The following ABCA7 variants were observed in gnomAD, a reference collection of about 807,000 sequenced individuals.
ABCA7 encodes the protein ATP binding cassette subfamily A member 7.
A neutral mutation model predicts 227.6 loss-of-function variants in ABCA7; 261 were observed. The observed-to-expected ratio is 1.15, with a 90% CI of 1.04 to 1.27. The LOEUF (loss-of-function observed/expected upper bound fraction) is 1.27. Ranked by LOEUF, ABCA7 falls within the 50% of genes most tolerant of loss-of-function variation. The pLI, the probability that ABCA7 is intolerant of heterozygous loss-of-function variation, is 0.00. For missense variants in ABCA7, 3,331 were observed against 2,924.5 expected (o/e 1.14, Z -3.21); for synonymous variants, 1,488 against 1,279.7 (o/e 1.16, Z -3.47).
At chr19:1,046,748 G>A in intron 13 of ABCA7, 54 bp from the exon 14 acceptor site, 2 of 1,481,738 alleles carry the variant, frequency 1.3e-6, no homozygotes, top group Non-Finnish European at 1.8e-6. Flanking sequence ...ATGGTGGGCG[G>A]AGGGGGGGTC....
intron 12 of ABCA7, chr19:1,045,752 G>A (rs191986608): frequency 0.03 from 4,854 of 162,706 alleles, 269 homozygotes; most frequent in African/African-American, 0.11. Context: ...TGTAATCCCA[G>A]CACTTTGGGA....
chr19:1,049,254 C>A lies in ABCA7; in HGVS notation c.2381-12C>A, dbSNP rs758030228. 6.3e-7 allele frequency: 1 copy of A among 1,587,070 alleles called. No individual in the cohort carries two copies. On this transcript the variant is annotated splice_polypyrimidine_tract_variant and intron_variant, in intron 17 of 46. Transcript: ENST00000263094. Reference sequence around the variant, plus strand: ...CATGACCTCCATGGCTGAGTCCACCCCATCTCTGCAGTGCTGGTAGAAGAG... The same window carrying A: ...CATGACCTCCATGGCTGAGTCCACCACATCTCTGCAGTGCTGGTAGAAGAG...
At position 1,046,929 on chromosome 19, in the gene ABCA7, A is replaced by G. The variant is rs1285519849; in HGVS notation, c.1750A>G (p.Met584Val). 8 of 1,562,044 alleles carry G rather than the reference A, an allele frequency of 5.1e-6. No homozygotes were observed. In the East Asian group the frequency reaches 9.3e-5, roughly 18 times the overall value. ...ETRLRDTMRAMGLSRAVLWLG... is the reference protein window; with the variant it reads ...ETRLRDTMRAVGLSRAVLWLG... ...GCGGCTGCGGGACACCATGCGCGCCATGGGGCTCAGCCGCGCGGTGCTCTG... is the reference window on the plus strand; with the variant it reads ...GCGGCTGCGGGACACCATGCGCGCCGTGGGGCTCAGCCGCGCGGTGCTCTG... The change falls in exon 14 of 47, where the codon ATG becomes GTG. Residue 584 changes from methionine (M) to valine (V), a missense_variant. Transcript: ENST00000263094.
rs989617906 is a variant in ABCA7 at position 1,065,315 on chromosome 19, G to A, written c.6331G>A (p.Glu2111Lys). Reference protein sequence around the residue: ...SKDQGKDEDTEEQKEAGVGVD... With the variant: ...SKDQGKDEDTKEQKEAGVGVD... ...GGACCAGGGGAAGGACGAGGACACC[G>A]AAGAGCAGAAGGAGGCAGGAGTGGG... Residue 2111 changes from glutamate to lysine, a missense_variant, in exon 47 of 47, where the codon GAA (glutamate) becomes AAA (lysine). Glu to Lys is a moderately conservative substitution (Grantham distance 56, BLOSUM62 1). Coordinates refer to ENST00000263094, the MANE Select transcript of ABCA7 (RefSeq NM_019112.4). The A allele has an allele frequency of 8.7e-6, 14 of 1,613,484 alleles. No individual in the cohort carries two copies. The highest frequency in any genetic ancestry group is 1.7e-5 in the Admixed American group (1 of 60,006).
At chr19:1,061,531 C>G (rs1354351181) in intron 40 of ABCA7, among the ~76,000 whole-genome samples, 1 of 130,058 alleles carries the variant, frequency 7.7e-6, no homozygotes. Flanking sequence ...CCCATCTCTA[C>G]TAAAAAAAAA....
chr19:1,042,889 G>A, intron 7 of ABCA7, 63 bp downstream of exon 7: 1 of 1,524,980 alleles, frequency 6.6e-7, no homozygotes, highest in Non-Finnish European at 8.8e-7. Context: ...CCTGCGCCGG[G>A]AGGGTCTGGG....
intron 16 of ABCA7, 61 bp downstream of exon 16, chr19:1,047,715 A>AG (rs996210098): frequency 3.3e-6 from 4 of 1,206,426 alleles, no homozygotes; most frequent in Non-Finnish European, 4.5e-6. Flanking sequence ...AGGCTGAGCT[A>AG]GGGGTGTGGC....
rs926814950 is a variant in ABCA7, at chr19:1,048,992, G to A, written c.2367G>A (p.Pro789=). The A allele has an allele frequency of 6.9e-6, 11 of 1,590,620 alleles. No homozygotes were observed. The highest frequency in any genetic ancestry group is 5.3e-5 in the Admixed American group (3 of 56,928). Residue 789 remains proline, a synonymous_variant, in exon 17 of 47, where the codon CCG becomes CCA. Transcript: ENST00000263094. ...PPKSPAPCPT[P]LDPKVLVEEA... ...AGAGTCCAGCCCCTTGCCCCACCCC[G>A]CTGGACCCAAAGGGTGAGGCACTAC...
In ABCA7 at chr19:1,062,337, C is replaced by G. The variant is rs755478859; in HGVS notation, c.5712+24C>G. 3 of 1,596,406 alleles carry G rather than the reference C, an allele frequency of 1.9e-6. No homozygotes were observed. The African/African-American group carries it at 4.0e-5, about 21-fold the overall frequency. On this transcript the variant is annotated intron_variant, in intron 42 of 46. Transcript: ENST00000263094. ...AGGTGAGCCCACTTTGTCCCCACCG[C>G]TCTCACCTCCCAGGGCCCACCCGAC... is the stretch of plus-strand genomic sequence containing the variant.
In ABCA7 at chr19:1,063,554, C is replaced by G. The variant is rs1244256861; in HGVS notation, c.5723C>G (p.Ser1908Trp). 1 of 1,610,612 alleles carries G rather than the reference C, an allele frequency of 6.2e-7. No individual in the cohort carries two copies. Among genetic ancestry groups the G allele is most frequent in the Admixed American group, 1.7e-5 (1 of 60,018 alleles). The change falls in exon 43 of 47, where the codon TCG becomes TGG. Residue 1908 changes from serine to tryptophan, a missense_variant. Physicochemically the swap from Ser to Trp is radical, Grantham distance 177. Transcript: ENST00000263094. ...GGCCCCACCCCACAGACCGCTGGCT[C>G]GGGCCTGGCGCGTCTGGGACTCTCA... ...PEAQVAQTAG[S>W]GLARLGLSWY...
At chr19:1,041,171 TG>T in intron 1 of ABCA7, 53 bp from the exon 2 acceptor site, 1 of 644,114 alleles carries the variant, frequency 1.6e-6, no homozygotes, top group East Asian at 2.7e-5. Flanking sequence ...ACTCCACCCC[TG>T]GGGTAGCGGA....
Position 1,056,272 on chromosome 19 carries a change from C to G in ABCA7, c.4416+29C>G. The G allele has an allele frequency of 6.3e-7, 1 of 1,592,698 alleles. No individual in the cohort carries two copies. The highest frequency in any genetic ancestry group is 2.2e-5 in the East Asian group (1 of 44,524). ...GGAACTGGGGGGGCAGGTGGGCGTCCTGTCACAGCAAGGTCCAACCCCATT... is the reference window on the plus strand; with the variant it reads ...GGAACTGGGGGGGCAGGTGGGCGTCGTGTCACAGCAAGGTCCAACCCCATT... On this transcript the variant is annotated intron_variant, in intron 32 of 46. Coordinates refer to ENST00000263094, the MANE Select transcript of ABCA7 (RefSeq NM_019112.4). This position sits in a 1 kb window ranked among gnomAD's most constrained non-coding sequence, Gnocchi z 4.3.
chr19:1,052,202 C>G lies in ABCA7; in HGVS notation c.3148-12C>G. On this transcript the variant is annotated splice_polypyrimidine_tract_variant and intron_variant, in intron 22 of 46. Transcript: ENST00000263094. ...CTGAAGGCCAAGCCACTTGGTGCCT[C>G]TCTGCCCGCAGGCTGACACTGACAT... 6.3e-7 allele frequency: 1 copy of G among 1,595,706 alleles called. No individual in the cohort carries two copies. Among genetic ancestry groups the G allele is most frequent in the Non-Finnish European group, 8.5e-7 (1 of 1,172,408 alleles).
chr19:1,045,325 T>C (rs1490959839), intron 12 of ABCA7, 94 bp downstream of exon 12: 39 of 1,220,602 alleles, frequency 3.2e-5, no homozygotes, highest in Non-Finnish European at 4.2e-5. Context: ...TTGGAGACCA[T>C]GATAGACAGG....
In ABCA7 at chr19:1,050,831, ATT is replaced by A. The variant is rs373493971; in HGVS notation, c.2553-85_2553-84del. 3.1e-6 allele frequency: 3 copies of A among 973,948 alleles called. No homozygotes were observed. The African/African-American group carries it at 5.3e-5, about 17-fold the overall frequency. The allele number at this position is 973,948 out of a possible 1,614,324, so 60.3% of individuals were successfully genotyped here. A position where few individuals can be genotyped will look rare whatever the true frequency, so the allele number is the denominator to read the frequency against. ...TAATAATAATAATAAATAATTAAAA[ATT>A]TTTTAAAAACAGAAATTAAAAATAG... is the stretch of plus-strand genomic sequence containing the variant. On this transcript the variant is annotated intron_variant, in intron 18 of 46. Transcript: ENST00000263094.
At chr19:1,052,335 G>C (rs1445609932) in intron 23 of ABCA7, 49 bp downstream of exon 23, 1 of 1,481,878 alleles carries the variant, frequency 6.7e-7, no homozygotes, top group African/African-American at 1.7e-5. Context: ...TGGGGTGGCT[G>C]TGCCTTAACT....
intron 24 of ABCA7, 55 bp downstream of exon 24, chr19:1,053,586 G>T: frequency 6.5e-7 from 1 of 1,541,172 alleles, no homozygotes; most frequent in Non-Finnish European, 8.7e-7. Context: ...TCCTGGAGGA[G>T]GTGGTGTTTT....
rs375529779 is a variant in ABCA7, at chr19:1,054,093, T to G, written c.3560T>G (p.Leu1187Arg). The G allele has an allele frequency of 2.0e-5, 32 of 1,613,256 alleles. No individual in the cohort carries two copies. The African/African-American group carries it at 3.7e-4, about 19-fold the overall frequency. Residue 1187 changes from leucine (L) to arginine (R), a missense_variant, in exon 26 of 47, where the codon CTG (leucine) becomes CGG (arginine). Physicochemically the swap from Leu to Arg is moderately radical, Grantham distance 102 (BLOSUM62 -2). Transcript: ENST00000263094. This position sits in a 1 kb window ranked among gnomAD's most constrained non-coding sequence, Gnocchi z 4.8. The stretch of plus-strand genomic sequence containing the variant: ...AAGATGCCGCCACAGGAGACAGCGC[T>G]GGAGAACGGGGAACCAGGTAAGTCC... The part of the protein sequence containing the change: ...RLKMPPQETA[L>R]ENGEPAGSAP...
chr19:1,064,801 G>A, intron 45 of ABCA7, 130 bp from the exon 46 acceptor site: 1 of 1,380,770 alleles, frequency 7.2e-7, no homozygotes, highest in Non-Finnish European at 9.5e-7. Flanking sequence ...GGACTGAGAC[G>A]GGAGGACCAC....
Sources: gnomAD v4.1 joint callset for allele counts (sites outside exome capture counted in the v4.1 genomes callset) on GRCh38, gnomAD v4.1.1 for gene constraint, Gnocchi (gnomAD v3.1) non-coding constraint, MANE v1.5 for transcripts, NCBI Gene and HGNC (gene_info 2026-07-23, HGNC 2026-07-21) for gene names.